PTPRM: variants seen among roughly 807,000 people sequenced by gnomAD.
The protein encoded by PTPRM is receptor-type tyrosine-protein phosphatase mu.
PTPRM carries 47 observed loss-of-function variants against 186.7 expected under a neutral mutation model. That is an observed-to-expected ratio of 0.25 (90% confidence interval 0.20 to 0.32). PTPRM has a LOEUF of 0.32. PTPRM is among the 10% of genes least tolerant of loss of function. The pLI is 1.00. For missense variants in PTPRM, 1,494 were observed against 1,865.0 expected (o/e 0.80, Z 3.66); for synonymous variants, 668 against 674.9 (o/e 0.99, Z 0.16).
At chr18:7,603,787 A>C (rs947465260) in intron 1 of PTPRM, among the ~76,000 whole-genome samples, 3 of 152,216 alleles carry the variant, frequency 2.0e-5, no homozygotes, top group Non-Finnish European at 4.4e-5. Flanking sequence ...GAGTCTGCTA[A>C]GCCCGATTCA....
At chr18:8,023,735 AGAAGCCAACTG>A (rs1332233630) in intron 7 of PTPRM, among the ~76,000 whole-genome samples, 1 of 152,124 alleles carries the variant, frequency 6.6e-6, no homozygotes. Context: ...AAAACCTTAT[AGAAGCCAACTG>A]GAATTGAACA....
intron 22 of PTPRM, among the ~76,000 whole-genome samples, chr18:8,341,139 A>G (rs2095472230): frequency 6.6e-6 from 1 of 152,204 alleles, no homozygotes; most frequent in Non-Finnish European, 1.5e-5. Context: ...TCACCTTTCC[A>G]TGAATTGAAA....
chr18:8,146,856 C>T (rs959858801), intron 14 of PTPRM, among the ~76,000 whole-genome samples: 4 of 152,150 alleles, frequency 2.6e-5, no homozygotes, highest in Non-Finnish European at 5.9e-5. Flanking sequence ...GGTCCAGTTT[C>T]AGTTTTCTGC....
At chr18:8,032,984 AG>A (rs1392365978) in intron 7 of PTPRM, among the ~76,000 whole-genome samples, 6 of 152,176 alleles carry the variant, frequency 3.9e-5, no homozygotes, top group Non-Finnish European at 7.3e-5. Flanking sequence ...AGCATTGAAA[AG>A]CCTGAGATTC....
chr18:7,884,951 A>AAAAG (rs1555632235), intron 2 of PTPRM, among the ~76,000 whole-genome samples: 3 of 146,202 alleles, frequency 2.1e-5, no homozygotes, highest in African/African-American at 5.1e-5. Flanking sequence ...AAAAAAAAAA[A>AAAAG]GGAGAGAGAG....
intron 1 of PTPRM, among the ~76,000 whole-genome samples, chr18:7,772,349 CTCTTTCTTTCTTTCTT>C (rs71935994): frequency 0.14 from 13,311 of 95,890 alleles, 1,104 homozygotes; most frequent in East Asian, 0.22. Flanking sequence ...TTCTTTCTTT[CTCTTTCTTTCTTTCTT>C]TCTTTCTTTC....
intron 1 of PTPRM, among the ~76,000 whole-genome samples, chr18:7,691,176 G>A (rs1568032252): frequency 6.6e-6 from 1 of 151,964 alleles, no homozygotes; most frequent in Admixed American, 6.6e-5. Context: ...GGAAATATAT[G>A]TAAATCAGAG....
intron 11 of PTPRM, among the ~76,000 whole-genome samples, chr18:8,110,604 T>G (rs1243006683): frequency 6.6e-6 from 1 of 152,146 alleles, no homozygotes; most frequent in Non-Finnish European, 1.5e-5. Context: ...AAGATCACAG[T>G]GCTCCGAGGA....
At chr18:7,707,906 C>G (rs2040129739) in intron 1 of PTPRM, among the ~76,000 whole-genome samples, 2 of 152,306 alleles carry the variant, frequency 1.3e-5, no homozygotes, top group East Asian at 3.9e-4. Context: ...CCTGCCACTA[C>G]AATATTTCAT....
chr18:7,615,481 G>A (rs1248163585), intron 1 of PTPRM, among the ~76,000 whole-genome samples: 2 of 152,100 alleles, frequency 1.3e-5, no homozygotes, highest in Non-Finnish European at 2.9e-5. Flanking sequence ...CAGAGACTAG[G>A]TCCATTCCCC....
intron 14 of PTPRM, among the ~76,000 whole-genome samples, chr18:8,148,984 G>A (rs1370641269): frequency 1.3e-5 from 2 of 152,164 alleles, no homozygotes; most frequent in East Asian, 3.8e-4. Flanking sequence ...TTAATCCTGA[G>A]TTCTAGTATG....
intron 1 of PTPRM, among the ~76,000 whole-genome samples, chr18:7,731,880 A>C (rs2040666186): frequency 6.6e-6 from 1 of 152,304 alleles, no homozygotes. Context: ...AACTGATAAA[A>C]AATTTATTCA....
At chr18:7,836,353 A>C (rs1051561785) in intron 2 of PTPRM, among the ~76,000 whole-genome samples, 11 of 152,168 alleles carry the variant, frequency 7.2e-5, no homozygotes, top group Non-Finnish European at 1.5e-4. Context: ...ATAAACAAAC[A>C]AACCAGCAAA....
At chr18:7,641,937 A>G (rs141798047) in intron 1 of PTPRM, among the ~76,000 whole-genome samples, 1 of 152,304 alleles carries the variant, frequency 6.6e-6, no homozygotes, top group Non-Finnish European at 1.5e-5. Flanking sequence ...CCAGGTCAGA[A>G]TGTGTGCTCT....
chr18:7,860,259 G>T (rs2047303694), intron 2 of PTPRM, among the ~76,000 whole-genome samples: 1 of 151,962 alleles, frequency 6.6e-6, no homozygotes, highest in African/African-American at 2.4e-5. Context: ...TTTTAGTAGA[G>T]ACGGGGTTTC....
intron 14 of PTPRM, among the ~76,000 whole-genome samples, chr18:8,221,255 T>C (rs1312383416): frequency 6.6e-6 from 1 of 152,160 alleles, no homozygotes; most frequent in Admixed American, 6.5e-5. Context: ...GTGGAGCCTG[T>C]ATTGTTGTCG....
At chr18:8,244,249 G>T (rs753427616) in intron 15 of PTPRM, 40 bp downstream of exon 15, 6 of 1,466,654 alleles carry the variant, frequency 4.1e-6, no homozygotes, top group Admixed American at 5.4e-5. Context: ...ACATCTCCTT[G>T]GTTTTGCAAG....
chr18:8,371,127 G>C (rs556191159), intron 24 of PTPRM, 121 bp downstream of exon 24: 23 of 536,758 alleles, frequency 4.3e-5, no homozygotes, highest in African/African-American at 3.9e-4. Flanking sequence ...GGCTCTATCT[G>C]ATGGTTTCTC....
At chr18:7,792,659 G>T (rs771050179) in intron 2 of PTPRM, among the ~76,000 whole-genome samples, 26 of 151,796 alleles carry the variant, frequency 1.7e-4, no homozygotes, top group Non-Finnish European at 2.8e-4. Flanking sequence ...GTGTTTTTTT[G>T]TTTGTTTGTT....
Sources: gnomAD v4.1 joint callset for allele counts (sites outside exome capture counted in the v4.1 genomes callset) on GRCh38, gnomAD v4.1.1 for gene constraint, MANE v1.5 for transcripts, NCBI Gene and HGNC (gene_info 2026-07-23, HGNC 2026-07-21) for gene names.